The following STEAP4 variants were observed in gnomAD, a reference collection of about 807,000 sequenced individuals.
STEAP4 encodes STEAP4 metalloreductase.
A neutral mutation model predicts 43.6 loss-of-function variants in STEAP4; 36 were observed. That is an observed-to-expected ratio of 0.83 (90% CI 0.63 to 1.09). STEAP4 has a LOEUF of 1.09. Among genes scored for constraint, STEAP4 ranks in the 50% least tolerant of loss-of-function variants. The probability of loss-of-function intolerance (pLI) is 0.00; values close to 1 mark genes in which losing one functional copy is unlikely to be tolerated. For synonymous variants in STEAP4, 191 were observed against 196.7 expected (o/e 0.97, Z 0.24); for missense variants, 495 against 546.5 (o/e 0.91, Z 0.94).
intron 1 of STEAP4, among the ~76,000 whole-genome samples, chr7:88,302,401 G>A (rs1262476845): frequency 6.6e-6 from 1 of 151,474 alleles, no homozygotes; most frequent in Admixed American, 6.6e-5. Context: ...GAGGATGGGC[G>A]CCTACAGGCT....
intron 1 of STEAP4, among the ~76,000 whole-genome samples, chr7:88,297,773 C>T (rs1209764777): frequency 6.6e-6 from 1 of 152,018 alleles, no homozygotes; most frequent in Non-Finnish European, 1.5e-5. Flanking sequence ...GCAACCCTTA[C>T]AAAAATACAG....
In STEAP4 at chr7:88,274,106, A is replaced by G. The variant is rs1465412837; in HGVS notation, c.*5292T>C. ...TAAAAGGAGATGGGCCTGGAGTCAG[A>G]CTGCCTAGATCCCAGCTCTGCCTCT... On this transcript the variant is annotated 3_prime_UTR_variant, in exon 5 of 5. Transcript: ENST00000380079. 1 of 152,214 alleles carries G rather than the reference A, an allele frequency of 6.6e-6. No homozygotes were observed. The highest frequency in any genetic ancestry group is 1.5e-5 in the Non-Finnish European group (1 of 68,036). The allele number at this position is 152,214 out of a possible 1,614,324, so 9.4% of individuals were successfully genotyped here. A position where few individuals can be genotyped will look rare whatever the true frequency, so the allele number is the denominator to read the frequency against.
rs554748424 is a variant in STEAP4 at position 88,272,416 on chromosome 7, G to A, written c.*6982C>T. On this transcript the variant is annotated 3_prime_UTR_variant, in exon 5 of 5. Transcript: ENST00000380079. ...CTCCATTCCCAGTATCTAATAATTT[G>A]ATGATTTTTAACTTCCAGTATAAAC... 6.6e-6 allele frequency: 1 copy of A among 152,190 alleles called. No homozygotes were observed. Among genetic ancestry groups the A allele is most frequent in the Non-Finnish European group, 1.5e-5 (1 of 68,010 alleles). The allele number at this position is 152,190 out of a possible 1,614,324, so 9.4% of individuals were successfully genotyped here. A position where few individuals can be genotyped will look rare whatever the true frequency, so the allele number is the denominator to read the frequency against.
Position 88,282,810 on chromosome 7 carries a change from C to T in STEAP4, c.815G>A (p.Arg272Gln), listed in dbSNP as rs376035088. ...TGGGAATCGACGGTATTTTGTGCCT[C>T]GGTACAGTTGTAGAATGGCAGCAAT... ...GVIAAILQLY[R>Q]GTKYRRFPDW... The change falls in exon 3 of 5, where the codon CGA (arginine) becomes CAA (glutamine). Residue 272 changes from arginine to glutamine, a missense_variant. Coordinates refer to ENST00000380079, the MANE Select transcript of STEAP4 (RefSeq NM_024636.4). 3.0e-5 allele frequency: 48 copies of T among 1,614,030 alleles called. No individual in the cohort carries two copies. Among genetic ancestry groups the T allele is most frequent in the African/African-American group, 2.3e-4 (17 of 74,972 alleles).
intron 2 of STEAP4, chr7:88,283,522 G>A (rs988128122): frequency 2.0e-6 from 1 of 501,404 alleles, no homozygotes; most frequent in South Asian, 2.7e-5. Context: ...CAAGGTAATG[G>A]AAGCAGAAAA....
intron 1 of STEAP4, among the ~76,000 whole-genome samples, chr7:88,302,204 TA>T (rs1410269308): frequency 3.3e-5 from 5 of 152,196 alleles, no homozygotes; most frequent in African/African-American, 4.8e-5. Flanking sequence ...CTTCCAAAAA[TA>T]AAAATCAGTG....
Position 88,282,777 on chromosome 7 carries a change from A to G in STEAP4, c.848T>C (p.Leu283Pro). Residue 283 changes from leucine (L) to proline (P), a missense_variant, in exon 3 of 5, where the codon CTT becomes CCT. Leu to Pro is a moderately conservative substitution (Grantham distance 98). Coordinates refer to ENST00000380079, the MANE Select transcript of STEAP4 (RefSeq NM_024636.4). Reference sequence around the variant, plus strand: ...CTTTCGGCAAAGCATCCAGTGGTCAAGCCAGTCTGGGAATCGACGGTATTT... The same window carrying G: ...CTTTCGGCAAAGCATCCAGTGGTCAGGCCAGTCTGGGAATCGACGGTATTT... ...GTKYRRFPDWLDHWMLCRKQL... is the reference protein window; with the variant it reads ...GTKYRRFPDWPDHWMLCRKQL... 6.2e-7 allele frequency: 1 copy of G among 1,614,196 alleles called. No homozygotes were observed. Among genetic ancestry groups the G allele is most frequent in the Non-Finnish European group, 8.5e-7 (1 of 1,180,026 alleles).
rs564797417 is a variant in STEAP4 at position 88,276,379 on chromosome 7, T to C, written c.*3019A>G. 4 of 152,320 alleles carry C rather than the reference T, an allele frequency of 2.6e-5. No homozygotes were observed. In the East Asian group the frequency reaches 7.7e-4, roughly 29 times the overall value. 9.4% of individuals were successfully genotyped at this position (152,320 alleles called of 1,614,324 possible). A position where few individuals can be genotyped will look rare whatever the true frequency, so the allele number is the denominator to read the frequency against. The stretch of plus-strand genomic sequence containing the variant: ...TGTGATTCAAAACCTTTTAGTAACT[T>C]TATTTGGAATGCTGATGAGTTAAAA... On this transcript the variant is annotated 3_prime_UTR_variant, in exon 5 of 5. Transcript: ENST00000380079.
At chr7:88,280,766 G>A (rs1472744960) in intron 4 of STEAP4, 149 bp downstream of exon 4, 6 of 757,962 alleles carry the variant, frequency 7.9e-6, no homozygotes, top group Non-Finnish European at 1.2e-5. Flanking sequence ...AGGCAGTCAG[G>A]AATCTTGGCG....
At chr7:88,304,937 G>C (rs2116042448) in intron 1 of STEAP4, among the ~76,000 whole-genome samples, 1 of 152,116 alleles carries the variant, frequency 6.6e-6, no homozygotes. Flanking sequence ...ACCACTCCAA[G>C]TTTCTTTGAA....
Position 88,303,623 on chromosome 7 carries a change from G to T in STEAP4, c.-3+3169C>A, listed in dbSNP as rs1853077678. Among the ~76,000 whole-genome samples, 3 of 152,114 alleles carry T rather than the reference G, an allele frequency of 2.0e-5. No homozygotes were observed. The South Asian group carries it at 6.2e-4, about 31-fold the overall frequency. On this transcript the variant is annotated intron_variant, in intron 1 of 4. Transcript: ENST00000380079. Reference sequence around the variant, plus strand: ...ACAGAACATTGTGGAGAAGAATTTAGATTGGGATGTCAATGTCCTGCCTAG... The same window carrying T: ...ACAGAACATTGTGGAGAAGAATTTATATTGGGATGTCAATGTCCTGCCTAG...
chr7:88,305,526 G>A (rs536537361), intron 1 of STEAP4, among the ~76,000 whole-genome samples: 18 of 152,314 alleles, frequency 1.2e-4, no homozygotes, highest in African/African-American at 4.3e-4. Context: ...CATTTGTAGG[G>A]AATAGGACAT....
chr7:88,287,251 CAG>C, intron 1 of STEAP4, among the ~76,000 whole-genome samples: 1 of 152,328 alleles, frequency 6.6e-6, no homozygotes, highest in East Asian at 1.9e-4. Flanking sequence ...ACCCCACTGG[CAG>C]AGAGTGCCAG....
intron 1 of STEAP4, among the ~76,000 whole-genome samples, chr7:88,300,644 T>C (rs1586754422): frequency 6.6e-6 from 1 of 152,330 alleles, no homozygotes; most frequent in East Asian, 1.9e-4. Flanking sequence ...TTTTACCTTA[T>C]GACAATCACC....
chr7:88,281,701 A>G (rs1563496460), intron 3 of STEAP4: 4 of 152,230 alleles, frequency 2.6e-5, no homozygotes, highest in Admixed American at 2.6e-4. Context: ...TCTAAACTAG[A>G]ACTGACTTAT....
At chr7:88,298,733 T>C (rs1398900886) in intron 1 of STEAP4, among the ~76,000 whole-genome samples, 1 of 152,186 alleles carries the variant, frequency 6.6e-6, no homozygotes, top group African/African-American at 2.4e-5. Flanking sequence ...CTACTTAAGT[T>C]ACTAATTGCT....
At chr7:88,304,401 C>T (rs1335454909) in intron 1 of STEAP4, 1 of 152,122 alleles carries the variant, frequency 6.6e-6, no homozygotes, top group East Asian at 1.9e-4. Context: ...GTAAACCTTA[C>T]ATTATTATTA....
chr7:88,297,122 C>A (rs1852936549), intron 1 of STEAP4, among the ~76,000 whole-genome samples: 1 of 152,150 alleles, frequency 6.6e-6, no homozygotes, highest in Non-Finnish European at 1.5e-5. Flanking sequence ...CACCTTCCTT[C>A]ATCAGATATT....
chr7:88,284,351 G>T, intron 1 of STEAP4, 80 bp from the exon 2 acceptor site: 1 of 1,016,472 alleles, frequency 9.8e-7, no homozygotes, highest in Non-Finnish European at 1.4e-6. Flanking sequence ...TATTCAAGAA[G>T]TAATGTAATT....
Sources: allele counts gnomAD v4.1 joint callset (sites outside exome capture counted in the v4.1 genomes callset), GRCh38; gene constraint gnomAD v4.1.1; transcripts MANE v1.5; gene names NCBI Gene and HGNC (gene_info 2026-07-23, HGNC 2026-07-21).